ADAMTS9: variants seen among roughly 807,000 people sequenced by gnomAD.
ADAMTS9 encodes the protein ADAM metallopeptidase with thrombospondin type 1 motif 9.
A neutral mutation model predicts 257.1 loss-of-function variants in ADAMTS9; 107 were observed. That is an observed-to-expected ratio of 0.42 (90% confidence interval 0.36 to 0.49). The LOEUF is 0.49. ADAMTS9 is among the 20% of genes least tolerant of loss of function. ADAMTS9 has a pLI of 0.03. For missense variants in ADAMTS9, 2,353 were observed against 2,469.1 expected (o/e 0.95, Z 1.00); for synonymous variants, 982 against 880.9 (o/e 1.11, Z -2.03).
Position 64,681,373 on chromosome 3 carries a change from A to C in ADAMTS9, c.517-10T>G, listed in dbSNP as rs1012704863. The stretch of plus-strand genomic sequence containing the variant: ...ACCGGAATGTGCCCAGCTGCAAATG[A>C]AGAGAGATGGGAGGTTGATTTAACG... On this transcript the variant is annotated splice_polypyrimidine_tract_variant and intron_variant, in intron 2 of 39. Coordinates refer to ENST00000498707, the MANE Select transcript of ADAMTS9 (RefSeq NM_182920.2). The C allele has an allele frequency of 3.1e-6, 5 of 1,606,672 alleles. No homozygotes were observed. The highest frequency in any genetic ancestry group is 3.4e-6 in the Non-Finnish European group (4 of 1,176,964).
intron 28 of ADAMTS9, among the ~76,000 whole-genome samples, chr3:64,572,316 T>C (rs1282583476): frequency 6.6e-6 from 1 of 152,182 alleles, no homozygotes; most frequent in East Asian, 1.9e-4. Context: ...AATTAAGGTC[T>C]AAGAGCTTGA....
intron 32 of ADAMTS9, among the ~76,000 whole-genome samples, chr3:64,544,124 C>A (rs2083165524): frequency 1.3e-5 from 2 of 152,118 alleles, no homozygotes; most frequent in South Asian, 4.2e-4. Flanking sequence ...AGGACACAAA[C>A]AAATGGAAGA....
At chr3:64,557,655 G>A (rs752311111) in intron 30 of ADAMTS9, among the ~76,000 whole-genome samples, 1 of 152,290 alleles carries the variant, frequency 6.6e-6, no homozygotes, top group East Asian at 1.9e-4. Flanking sequence ...AAATGTGCTA[G>A]TCACCATGTC....
chr3:64,671,082 C>G (rs570992813), intron 3 of ADAMTS9, among the ~76,000 whole-genome samples: 1 of 152,292 alleles, frequency 6.6e-6, no homozygotes, highest in African/African-American at 2.4e-5. Context: ...ACACAAAAAT[C>G]TGTATGCAAA....
intron 14 of ADAMTS9, among the ~76,000 whole-genome samples, chr3:64,632,828 C>CAG (rs1700401033): frequency 8.0e-6 from 1 of 124,386 alleles, no homozygotes; most frequent in African/African-American, 2.9e-5. Flanking sequence ...GGACCACAGG[C>CAG]AAAAAAAAAA....
chr3:64,593,041 G>C (rs2084291951), intron 28 of ADAMTS9, among the ~76,000 whole-genome samples: 1 of 152,144 alleles, frequency 6.6e-6, no homozygotes, highest in South Asian at 2.1e-4. Context: ...TAGGGAAAAT[G>C]CTCCTACTGA....
chr3:64,679,713 T>A (rs1169444029), intron 3 of ADAMTS9, among the ~76,000 whole-genome samples: 1 of 152,216 alleles, frequency 6.6e-6, no homozygotes, highest in East Asian at 1.9e-4. Flanking sequence ...ATGTTATGTA[T>A]ACATTTCATG....
chr3:64,631,719 A>G (rs971828782), intron 15 of ADAMTS9, 89 bp downstream of exon 15: 13 of 1,292,940 alleles, frequency 1.0e-5, no homozygotes, highest in East Asian at 2.3e-5. Flanking sequence ...TTTATGCTCG[A>G]CATTAATATT....
At chr3:64,676,133 C>T (rs900890254) in intron 3 of ADAMTS9, among the ~76,000 whole-genome samples, 6 of 152,052 alleles carry the variant, frequency 3.9e-5, no homozygotes, top group Non-Finnish European at 8.8e-5. Context: ...ACAGATGTCC[C>T]AAAGAAGTAG....
At chr3:64,654,771 T>A (rs1335487841) in intron 6 of ADAMTS9, 159 bp from the exon 7 acceptor site, 4 of 697,492 alleles carry the variant, frequency 5.7e-6, no homozygotes, top group African/African-American at 1.8e-5. Flanking sequence ...ACTCAAAAAA[T>A]TTTTGGAATT....
intron 2 of ADAMTS9, among the ~76,000 whole-genome samples, chr3:64,684,708 A>G (rs1315046184): frequency 3.3e-5 from 5 of 152,162 alleles, no homozygotes; most frequent in African/African-American, 1.2e-4. Flanking sequence ...TCGTTTCTGA[A>G]GCCCTAGTCC....
rs1215970768 is a variant in ADAMTS9 at position 64,605,761 on chromosome 3, A to T, written c.3474+1199T>A. ...AAAAAAGATGTGTGTGTGTTTATAG[A>T]TATTTTGTGTACACAAACACACACA... On this transcript the variant is annotated intron_variant, in intron 23 of 39. Coordinates refer to ENST00000498707, the MANE Select transcript of ADAMTS9 (RefSeq NM_182920.2). Among the ~76,000 whole-genome samples the T allele has an allele frequency of 2.0e-5, 3 of 152,218 alleles. No homozygotes were observed. In the East Asian group the frequency reaches 5.8e-4, roughly 29 times the overall value.
At chr3:64,659,473 C>CAAAAAAA (rs60660621) in intron 3 of ADAMTS9, among the ~76,000 whole-genome samples, 1 of 90,660 alleles carries the variant, frequency 1.1e-5, no homozygotes, top group Non-Finnish European at 2.2e-5. Context: ...CTGTCTCAAA[C>CAAAAAAA]AAAAAAAAAA....
At position 64,681,324 on chromosome 3, in the gene ADAMTS9, C is replaced by G. The variant is rs1375408750; in HGVS notation, c.556G>C (p.Glu186Gln). 2 of 1,613,094 alleles carry G rather than the reference C, an allele frequency of 1.2e-6. No individual in the cohort carries two copies. Among genetic ancestry groups the G allele is most frequent in the Non-Finnish European group, 1.7e-6 (2 of 1,179,560 alleles). Residue 186 changes from glutamate to glutamine, a missense_variant, in exon 3 of 40, where the codon GAA becomes CAA. Coordinates refer to ENST00000498707, the MANE Select transcript of ADAMTS9 (RefSeq NM_182920.2). ...TGTTCATCCATAGACTGTAGTGGTT[C>G]AATAAAATAATCCCCATCATGAGAC... is the stretch of plus-strand genomic sequence containing the variant. ...FRSHDGDYFI[E>Q]PLQSMDEQED...
At chr3:64,600,439 C>T (rs1217300528) in intron 26 of ADAMTS9, among the ~76,000 whole-genome samples, 2 of 152,214 alleles carry the variant, frequency 1.3e-5, no homozygotes, top group African/African-American at 4.8e-5. Flanking sequence ...CTTACCTAAT[C>T]CTCCCTAATT....
At position 64,539,219 on chromosome 3, in the gene ADAMTS9, G is replaced by A. The variant is rs754393700; in HGVS notation, c.5597C>T (p.Ala1866Val). 1 of 1,613,942 alleles carries A rather than the reference G, an allele frequency of 6.2e-7. No individual in the cohort carries two copies. ...PFATAGDCYS[A>V]AKCPQGRFSI... ...AGGACATACCTGTGGGCACTTGGCA[G>A]CGCTGTAGCAATCCCCGGCTGTGGC... The change falls in exon 37 of 40, where the codon GCT (alanine) becomes GTT (valine). Residue 1866 changes from alanine (A) to valine (V), a missense_variant. Coordinates refer to ENST00000498707, the MANE Select transcript of ADAMTS9 (RefSeq NM_182920.2).
At position 64,646,238 on chromosome 3, in the gene ADAMTS9, T is replaced by C. The variant is rs531594956; in HGVS notation, c.1710+1702A>G. 2.0e-5 allele frequency among the ~76,000 whole-genome samples: 3 copies of C among 152,300 alleles called. No individual in the cohort carries two copies. In the East Asian group the frequency reaches 5.8e-4, roughly 29 times the overall value. On this transcript the variant is annotated intron_variant, in intron 11 of 39. Coordinates refer to ENST00000498707, the MANE Select transcript of ADAMTS9 (RefSeq NM_182920.2). ...TCTAACCCAAGCCAACTAACCAAGT[T>C]GTCAAATAGGTATCATGTTTATTGT... is the stretch of plus-strand genomic sequence containing the variant.
At chr3:64,631,973 A>G (rs563625884) in intron 14 of ADAMTS9, 48 bp from the exon 15 acceptor site, 1 of 1,362,728 alleles carries the variant, frequency 7.3e-7, no homozygotes, top group East Asian at 2.3e-5. Flanking sequence ...TATAGAGATT[A>G]TAAAATGGCA....
At chr3:64,643,652 T>G (rs1171349208) in intron 11 of ADAMTS9, among the ~76,000 whole-genome samples, 6 of 151,292 alleles carry the variant, frequency 4.0e-5, no homozygotes, top group African/African-American at 1.5e-4. Context: ...CAGTTAGGGG[T>G]GGGGGTCTTA....
Sources: gnomAD v4.1 joint callset for allele counts (sites outside exome capture counted in the v4.1 genomes callset) on GRCh38, gnomAD v4.1.1 for gene constraint, MANE v1.5 for transcripts, NCBI Gene and HGNC (gene_info 2026-07-23, HGNC 2026-07-21) for gene names.